Variants in TENM3 observed in about 807,000 individuals in gnomAD.
TENM3 encodes teneurin-3.
TENM3 carries 63 observed loss-of-function variants against 255.1 expected under a neutral mutation model. The ratio of observed to expected loss-of-function variants is 0.25; its 90% confidence interval spans 0.20 to 0.30. The LOEUF (loss-of-function observed/expected upper bound fraction) is 0.30, where lower values mean the gene tolerates loss of function less well. Among genes scored for constraint, TENM3 ranks in the 10% least tolerant of loss-of-function variants. The pLI, the probability that TENM3 is intolerant of heterozygous loss-of-function variation, is 1.00. For synonymous variants in TENM3, 1,306 were observed against 1,322.3 expected, an observed-to-expected ratio of 0.99 and a Z score of 0.27; for missense variants, 2,929 against 3,461.1, an observed-to-expected ratio of 0.85 and a Z score of 3.86.
At chr4:182,744,818 G>A (rs775282262) in intron 19 of TENM3, among the ~76,000 whole-genome samples, 7 of 152,108 alleles carry the variant, frequency 4.6e-5, no homozygotes, top group Non-Finnish European at 4.4e-5. Context: ...AGTGAAGGAC[G>A]AATATAGTTG....
the TENM3 span, among the ~76,000 whole-genome samples, chr4:181,498,793 G>C: frequency 6.6e-6 from 1 of 152,126 alleles, no homozygotes; most frequent in Non-Finnish European, 1.5e-5. Context: ...ATATCACCCT[G>C]TCAGGGGTAA....
intron 1 of TENM3, among the ~76,000 whole-genome samples, chr4:182,205,100 C>G (rs1417035728): frequency 1.3e-5 from 2 of 152,198 alleles, no homozygotes; most frequent in Non-Finnish European, 1.5e-5. Context: ...GAATAACTCT[C>G]TAATACTCAC....
At chr4:182,735,456 T>C (rs1315060307) in intron 16 of TENM3, among the ~76,000 whole-genome samples, 1 of 152,190 alleles carries the variant, frequency 6.6e-6, no homozygotes, top group Non-Finnish European at 1.5e-5. Flanking sequence ...ACTGAAGTTA[T>C]TAAAGTTTGG....
the TENM3 span, among the ~76,000 whole-genome samples, chr4:181,545,397 C>T: frequency 6.6e-6 from 1 of 152,032 alleles, no homozygotes; most frequent in Non-Finnish European, 1.5e-5. Context: ...AAACAAGGCA[C>T]CTCAAGTTGG....
At chr4:182,238,828 T>A (rs1425156911), upstream of TENM3, among the ~76,000 whole-genome samples, 1 of 152,152 alleles carries the variant, frequency 6.6e-6, no homozygotes, top group East Asian at 1.9e-4. Flanking sequence ...GTACCTTTTC[T>A]CCCTCTCTTT....
intron 1 of TENM3, among the ~76,000 whole-genome samples, chr4:182,289,559 T>A (rs191970893): frequency 6.6e-6 from 1 of 152,238 alleles, no homozygotes; most frequent in African/African-American, 2.4e-5. Context: ...CTAAATCTTA[T>A]TGAGGGAAAC....
At chr4:181,539,831 A>C in the TENM3 span, among the ~76,000 whole-genome samples, 1 of 152,204 alleles carries the variant, frequency 6.6e-6, no homozygotes, top group Non-Finnish European at 1.5e-5. Context: ...TCTATAGCTG[A>C]CCTATAAAAA....
chr4:182,177,963 T>TTG (rs1554026696), intron 1 of TENM3, among the ~76,000 whole-genome samples: 15 of 137,426 alleles, frequency 1.1e-4, no homozygotes, highest in Non-Finnish European at 2.5e-4. Context: ...TTTTTGTTTT[T>TTG]TTTTTTTTTT....
chr4:182,784,203 T>G (rs1435425549), intron 24 of TENM3, among the ~76,000 whole-genome samples: 2 of 152,196 alleles, frequency 1.3e-5, no homozygotes, highest in Admixed American at 1.3e-4. Flanking sequence ...TTTTGGTCTT[T>G]GATGACGGTG....
chr4:181,598,513 A>T, the TENM3 span, among the ~76,000 whole-genome samples: 7 of 152,176 alleles, frequency 4.6e-5, no homozygotes, highest in Non-Finnish European at 8.8e-5. Flanking sequence ...TTTAATTAAG[A>T]ATATTTTTAA....
At chr4:182,578,679 G>A (rs1008905834) in intron 3 of TENM3, among the ~76,000 whole-genome samples, 1 of 152,100 alleles carries the variant, frequency 6.6e-6, no homozygotes, top group African/African-American at 2.4e-5. Flanking sequence ...AGAGCACTCA[G>A]GTTAATCTCC....
At chr4:182,466,955 C>G (rs1055626584) in intron 3 of TENM3, among the ~76,000 whole-genome samples, 3 of 151,756 alleles carry the variant, frequency 2.0e-5, no homozygotes, top group African/African-American at 7.3e-5. Flanking sequence ...TTTTATCTGC[C>G]AAAACTGACT....
At chr4:181,898,786 G>A in the TENM3 span, among the ~76,000 whole-genome samples, 3 of 151,994 alleles carry the variant, frequency 2.0e-5, no homozygotes, top group African/African-American at 7.3e-5. Context: ...CTTTCTGCTT[G>A]TAATAATATT....
the TENM3 span, among the ~76,000 whole-genome samples, chr4:182,062,185 G>T: frequency 6.6e-6 from 1 of 152,080 alleles, no homozygotes; most frequent in African/African-American, 2.4e-5. Flanking sequence ...AGATTAAACA[G>T]GTAACCCCTG....
chr4:182,759,041 C>T (rs1381768863), intron 22 of TENM3, among the ~76,000 whole-genome samples: 1 of 152,166 alleles, frequency 6.6e-6, no homozygotes, highest in African/African-American at 2.4e-5. Flanking sequence ...AATTTGCCTA[C>T]TGATAAAAAT....
At chr4:181,511,407 C>A in the TENM3 span, among the ~76,000 whole-genome samples, 1 of 152,134 alleles carries the variant, frequency 6.6e-6, no homozygotes, top group African/African-American at 2.4e-5. Context: ...GTACTGGGGG[C>A]CTCTCCTTGC....
At chr4:182,502,230 A>T (rs1159257717) in intron 3 of TENM3, among the ~76,000 whole-genome samples, 2 of 152,170 alleles carry the variant, frequency 1.3e-5, no homozygotes. Context: ...AGCGTTTAGG[A>T]TGGCGACTTT....
At chr4:182,774,418 G>A (rs977187626) in intron 23 of TENM3, among the ~76,000 whole-genome samples, 1 of 152,170 alleles carries the variant, frequency 6.6e-6, no homozygotes, top group Non-Finnish European at 1.5e-5. Flanking sequence ...AATATAAAAT[G>A]TCTTCCTTTA....
chr4:182,513,840 G>C (rs142871909), intron 3 of TENM3, among the ~76,000 whole-genome samples: 3,198 of 152,240 alleles, frequency 0.021, 128 homozygotes, highest in African/African-American at 0.072. Context: ...TCCTTTAGTG[G>C]GCTTTCACAC....
Sources: allele counts gnomAD v4.1 joint callset (sites outside exome capture counted in the v4.1 genomes callset), GRCh38; gene constraint gnomAD v4.1.1; transcripts MANE v1.5; gene names NCBI Gene and HGNC (gene_info 2026-07-23, HGNC 2026-07-21).